NCOA7: variants seen among roughly 807,000 people sequenced by gnomAD.
NCOA7 encodes the protein nuclear receptor coactivator 7.
Under a neutral mutation model 104.3 loss-of-function variants are expected in NCOA7, and 45 were observed. The ratio of observed to expected loss-of-function variants is 0.43; its 90% confidence interval spans 0.34 to 0.55. The LOEUF (loss-of-function observed/expected upper bound fraction) is 0.55. Ranked by LOEUF, NCOA7 falls within the 20% of genes least tolerant of loss-of-function variation. The pLI is 0.02. For synonymous variants in NCOA7, 398 were observed against 402.3 expected (o/e 0.99, Z 0.13); for missense variants, 1,041 against 1,119.7 (o/e 0.93, Z 1.00).
At chr6:125,838,124 A>AT (rs965144740) in intron 2 of NCOA7, among the ~76,000 whole-genome samples, 12 of 151,778 alleles carry the variant, frequency 7.9e-5, no homozygotes, top group South Asian at 2.1e-4. Context: ...GAAGCATACA[A>AT]TTTTTTTTTA....
chr6:125,905,840 G>A (rs530112715), intron 10 of NCOA7, among the ~76,000 whole-genome samples: 9 of 152,014 alleles, frequency 5.9e-5, no homozygotes, highest in Non-Finnish European at 7.4e-5. Flanking sequence ...TTGCTTTGTC[G>A]CCCAGGCTGG....
At chr6:125,823,095 C>T (rs1028893762) in intron 2 of NCOA7, among the ~76,000 whole-genome samples, 4 of 152,162 alleles carry the variant, frequency 2.6e-5, no homozygotes, top group African/African-American at 9.7e-5. Flanking sequence ...TGAGATGAAG[C>T]GATCCACAGC....
intron 6 of NCOA7, among the ~76,000 whole-genome samples, 160 bp from the exon 7 acceptor site, chr6:125,882,266 A>C (rs1194353260): frequency 6.6e-6 from 1 of 152,126 alleles, no homozygotes; most frequent in African/African-American, 2.4e-5. Flanking sequence ...ATCTGTTATT[A>C]CATTTGTGAT....
intron 1 of NCOA7, among the ~76,000 whole-genome samples, chr6:125,799,089 C>G (rs145350186): frequency 6.6e-6 from 1 of 152,070 alleles, no homozygotes; most frequent in African/African-American, 2.4e-5. Flanking sequence ...GAAGTTTAAT[C>G]CCAAGAATGT....
Position 125,865,249 on chromosome 6 carries a change from T to C in NCOA7, c.272-9640T>C, listed in dbSNP as rs959645071. Among the ~76,000 whole-genome samples the C allele has an allele frequency of 2.2e-5, 3 of 138,610 alleles. 1 individual carries two copies. Among genetic ancestry groups the C allele is most frequent in the Non-Finnish European group, 4.6e-5 (3 of 65,088 alleles). 90.9% of individuals were successfully genotyped at this position (138,610 alleles called of 152,430 possible). On this transcript the variant is annotated intron_variant, in intron 3 of 15. Coordinates refer to ENST00000392477, the MANE Select transcript of NCOA7 (RefSeq NM_181782.5). The stretch of plus-strand genomic sequence containing the variant: ...CTTATTTCCACAAACGAGGAGGACC[T>C]TCTCCATGCTGAGTGCAGTAGTAGA...
intron 11 of NCOA7, among the ~76,000 whole-genome samples, chr6:125,917,792 T>A (rs1787211129): frequency 6.6e-6 from 1 of 152,210 alleles, no homozygotes; most frequent in Admixed American, 6.5e-5. Flanking sequence ...GACAAACGGT[T>A]ACTTTCTTGT....
At position 125,890,033 on chromosome 6, in the gene NCOA7, T is replaced by C. The variant is rs759801416; in HGVS notation, c.1927+52T>C. ...ATATTCTGTTGCATAATTGCCTTTC[T>C]ACAATTTGCACATGTAATACCCACA... On this transcript the variant is annotated intron_variant, in intron 9 of 15. Transcript: ENST00000392477. 3.7e-6 allele frequency: 5 copies of C among 1,366,392 alleles called. No homozygotes were observed. The South Asian group carries it at 8.5e-5, about 23-fold the overall frequency. 84.6% of individuals were successfully genotyped at this position (1,366,392 alleles called of 1,614,324 possible). A position where few individuals can be genotyped will look rare whatever the true frequency, so the allele number is the denominator to read the frequency against.
At chr6:125,856,363 T>C (rs1040980392) in intron 3 of NCOA7, among the ~76,000 whole-genome samples, 4 of 54,094 alleles carry the variant, frequency 7.4e-5, no homozygotes, top group Non-Finnish European at 2.2e-4. Flanking sequence ...GTTTTTTGTG[T>C]TTTTTTTGAG....
At chr6:125,805,087 C>CTTTTTTTTTTTTTTTTTTTTTTTTTTT (rs59737297) in intron 1 of NCOA7, among the ~76,000 whole-genome samples, 4 of 58,050 alleles carry the variant, frequency 6.9e-5, no homozygotes, top group African/African-American at 2.5e-4. Context: ...CCCTCTTGTT[C>CTTTTTTTTTTTTTTTTTTTTTTTTTTT]TTTTTTTTTT....
At chr6:125,857,000 G>A (rs17053172) in intron 3 of NCOA7, among the ~76,000 whole-genome samples, 36,964 of 151,966 alleles carry the variant, frequency 0.24, 5,096 homozygotes, top group African/African-American at 0.39. Context: ...ATGATCTATC[G>A]GCAGCCGAAA....
At chr6:125,885,469 CA>C (rs772985314) in intron 8 of NCOA7, 126 bp downstream of exon 8, 15 of 792,628 alleles carry the variant, frequency 1.9e-5, no homozygotes, top group Non-Finnish European at 2.5e-5. Flanking sequence ...AAGACTTGTG[CA>C]CTGAAGAAAA....
chr6:125,855,806 C>T (rs1781502651), intron 3 of NCOA7, among the ~76,000 whole-genome samples: 1 of 152,062 alleles, frequency 6.6e-6, no homozygotes, highest in Admixed American at 6.5e-5. Context: ...GCCCCAGCCT[C>T]CCAAGTAGCT....
rs770933002 is a variant in NCOA7 at position 125,928,644 on chromosome 6, T to C, written c.2702T>C (p.Phe901Ser). The C allele has an allele frequency of 2.2e-5, 35 of 1,604,598 alleles. No individual in the cohort carries two copies. The highest frequency in any genetic ancestry group is 2.6e-5 in the Non-Finnish European group (31 of 1,177,376). Residue 901 changes from phenylalanine to serine, a missense_variant, in exon 16 of 16, where the codon TTT (phenylalanine) becomes TCT (serine). This residue lies in a region of NCOA7 where 127 missense variants were observed against 177.0 expected (regional missense o/e 0.72). Transcript: ENST00000392477. ...TTTTTTAACCTTTTCAGGGGACGAT[T>C]TGGTTTATGGCTAGATGCTGATTTA... is the stretch of plus-strand genomic sequence containing the variant. ...SLELGGGGGR[F>S]GLWLDADLYH...
chr6:125,872,484 G>A (rs1156926476), intron 3 of NCOA7, among the ~76,000 whole-genome samples: 1 of 152,182 alleles, frequency 6.6e-6, no homozygotes, highest in African/African-American at 2.4e-5. Context: ...TAAAGTGACA[G>A]CTGTTTATGA....
chr6:125,819,992 C>T (rs1441475463), intron 2 of NCOA7, among the ~76,000 whole-genome samples: 1 of 152,074 alleles, frequency 6.6e-6, no homozygotes, highest in East Asian at 1.9e-4. Context: ...GTGTGAGAGC[C>T]TGGGAGTAAA....
intron 13 of NCOA7, 94 bp from the exon 14 acceptor site, chr6:125,927,569 A>G (rs1788143951): frequency 1.1e-6 from 1 of 898,146 alleles, no homozygotes; most frequent in South Asian, 1.4e-5. Flanking sequence ...GCTGAAATAG[A>G]TCTCAGAACA....
chr6:125,795,429 T>C (rs1176929487), intron 1 of NCOA7, among the ~76,000 whole-genome samples: 1 of 152,212 alleles, frequency 6.6e-6, no homozygotes, highest in African/African-American at 2.4e-5. Flanking sequence ...CATTCCCCTG[T>C]CACCCATTTC....
At chr6:125,796,992 T>C (rs968093380) in intron 1 of NCOA7, among the ~76,000 whole-genome samples, 1 of 152,244 alleles carries the variant, frequency 6.6e-6, no homozygotes, top group African/African-American at 2.4e-5. Flanking sequence ...CCTTGCTTAC[T>C]TTACTAATTC....
intron 2 of NCOA7, among the ~76,000 whole-genome samples, chr6:125,820,066 C>T (rs1224857239): frequency 6.6e-6 from 1 of 152,112 alleles, no homozygotes; most frequent in Non-Finnish European, 1.5e-5. Flanking sequence ...TGGCTCCCAC[C>T]TCCCCTATTC....
Sources: allele counts gnomAD v4.1 joint callset (sites outside exome capture counted in the v4.1 genomes callset), GRCh38; gene constraint gnomAD v4.1.1; regional missense constraint gnomAD v4.1.1; transcripts MANE v1.5; gene names NCBI Gene and HGNC (gene_info 2026-07-23, HGNC 2026-07-21).